The following SLC23A2 variants were observed in gnomAD, a reference collection of about 807,000 sequenced individuals.
The protein encoded by SLC23A2 is solute carrier family 23 member 2.
Under a neutral mutation model 73.3 loss-of-function variants are expected in SLC23A2, and 36 were observed. That is an observed-to-expected ratio of 0.49 (90% CI 0.38 to 0.65). The LOEUF is 0.65. Among genes scored for constraint, SLC23A2 ranks in the 30% least tolerant of loss-of-function variants. SLC23A2 has a pLI of 0.00. For synonymous variants in SLC23A2, 343 were observed against 327.3 expected (o/e 1.05, Z -0.52); for missense variants, 507 against 841.6 (o/e 0.60, Z 4.92).
chr20:4,983,402 T>C (rs1303719714), intron 1 of SLC23A2, among the ~76,000 whole-genome samples: 1 of 152,044 alleles, frequency 6.6e-6, no homozygotes, highest in Admixed American at 6.6e-5. Flanking sequence ...ATCCCAGCAC[T>C]TCGGGAGGCC....
chr20:4,975,413 C>T (rs1183727886), intron 1 of SLC23A2, among the ~76,000 whole-genome samples: 1 of 152,138 alleles, frequency 6.6e-6, no homozygotes, highest in Admixed American at 6.5e-5. Context: ...CAGAGTTTCA[C>T]TCTGTTGCCC....
intron 1 of SLC23A2, among the ~76,000 whole-genome samples, chr20:4,992,977 A>G (rs1019490987): frequency 2.6e-5 from 4 of 152,038 alleles, no homozygotes; most frequent in African/African-American, 9.7e-5. Flanking sequence ...TGCCAACAAG[A>G]CACTCAAAAG....
chr20:4,895,487 A>G (rs1931485125), intron 6 of SLC23A2, among the ~76,000 whole-genome samples: 1 of 152,252 alleles, frequency 6.6e-6, no homozygotes, highest in Non-Finnish European at 1.5e-5. Flanking sequence ...TTCATATGCA[A>G]AAACTCCCAA....
At chr20:4,882,745 G>A (rs535862416) in intron 9 of SLC23A2, among the ~76,000 whole-genome samples, 2 of 152,306 alleles carry the variant, frequency 1.3e-5, no homozygotes, top group East Asian at 3.9e-4. Context: ...ATATACAAGT[G>A]TTATATAAAG....
At chr20:4,916,084 T>A (rs530305888) in intron 3 of SLC23A2, among the ~76,000 whole-genome samples, 2 of 152,350 alleles carry the variant, frequency 1.3e-5, no homozygotes, top group South Asian at 4.1e-4. Context: ...TTCTCAAACA[T>A]GTTATAGTTT....
In SLC23A2 at chr20:4,884,817, G is replaced by A; in HGVS notation, c.578C>T (p.Ser193Leu). The change falls in exon 8 of 17, where the codon TCA (serine) becomes TTA (leucine). Residue 193 changes from serine to leucine, a missense_variant. Coordinates refer to ENST00000338244, the MANE Select transcript of SLC23A2 (RefSeq NM_005116.6). Reference sequence around the variant, plus strand: ...CAGCTCTGCTGTTCCATTGGCAACTGAAACATCTTGAAAACAAAAACAAAG... The same window carrying A: ...CAGCTCTGCTGTTCCATTGGCAACTAAAACATCTTGAAAACAAAAACAAAG... ...DKWKCNTTDV[S>L]VANGTAELLH... 1 of 1,550,334 alleles carries A rather than the reference G, an allele frequency of 6.5e-7. No homozygotes were observed.
intron 6 of SLC23A2, among the ~76,000 whole-genome samples, chr20:4,895,313 G>A (rs1000101431): frequency 2.0e-5 from 3 of 152,296 alleles, no homozygotes; most frequent in East Asian, 1.9e-4. Context: ...CTGCACGCCC[G>A]GCTGCATCTG....
At chr20:5,005,315 A>T (rs573973047), upstream of SLC23A2, among the ~76,000 whole-genome samples, 2 of 152,164 alleles carry the variant, frequency 1.3e-5, no homozygotes, top group South Asian at 4.1e-4. Context: ...TTAAAAAAAT[A>T]CATCAAATTT....
intron 3 of SLC23A2, among the ~76,000 whole-genome samples, chr20:4,930,746 G>A (rs1227185670): frequency 6.6e-6 from 1 of 152,126 alleles, no homozygotes; most frequent in Non-Finnish European, 1.5e-5. Context: ...TTGAACTTGG[G>A]AGGCAGAGGT....
chr20:4,878,446 A>G (rs1167981545), intron 9 of SLC23A2, among the ~76,000 whole-genome samples: 2 of 152,168 alleles, frequency 1.3e-5, no homozygotes, highest in African/African-American at 2.4e-5. Context: ...TTGGCCTCCT[A>G]AAGTGCTGAG....
chr20:4,884,312 TATTA>T lies in SLC23A2; in HGVS notation c.642+437_642+440del, dbSNP rs373465282. Reference sequence around the variant, plus strand: ...GAATTATCTCACACGTTTTGGAAAATATTAATACACTGTCAGCCGTACTTCATGT... The same window carrying T: ...GAATTATCTCACACGTTTTGGAAAATATACACTGTCAGCCGTACTTCATGT... On this transcript the variant is annotated intron_variant, in intron 8 of 16. Coordinates refer to ENST00000338244, the MANE Select transcript of SLC23A2 (RefSeq NM_005116.6). Among the ~76,000 whole-genome samples, 69 of 152,344 alleles carry T rather than the reference TATTA, an allele frequency of 4.5e-4. 2 individuals are homozygous for T. In the East Asian group the frequency reaches 0.013, roughly 29 times the overall value.
chr20:4,920,297 G>A (rs1932460734), intron 3 of SLC23A2, among the ~76,000 whole-genome samples: 1 of 152,130 alleles, frequency 6.6e-6, no homozygotes, highest in Non-Finnish European at 1.5e-5. Flanking sequence ...TACTAATCGG[G>A]ACAAGAGCCC....
At chr20:4,999,062 C>T (rs1272596129) in intron 1 of SLC23A2, among the ~76,000 whole-genome samples, 1 of 152,200 alleles carries the variant, frequency 6.6e-6, no homozygotes, top group Non-Finnish European at 1.5e-5. Flanking sequence ...GCCTCAGCCT[C>T]CCAAAGTGCT....
At chr20:4,982,138 G>A (rs1056818120) in intron 1 of SLC23A2, among the ~76,000 whole-genome samples, 3 of 151,800 alleles carry the variant, frequency 2.0e-5, no homozygotes, top group African/African-American at 7.3e-5. Context: ...GGGATTACAG[G>A]CGTGTATCAC....
intron 3 of SLC23A2, among the ~76,000 whole-genome samples, chr20:4,929,020 G>C (rs1301587566): frequency 6.6e-6 from 1 of 152,218 alleles, no homozygotes; most frequent in Non-Finnish European, 1.5e-5. Flanking sequence ...GGGAGGCTGA[G>C]ACAGGTGGGT....
intron 15 of SLC23A2, among the ~76,000 whole-genome samples, chr20:4,860,329 C>G (rs923844372): frequency 6.6e-6 from 1 of 152,218 alleles, no homozygotes; most frequent in African/African-American, 2.4e-5. Flanking sequence ...TAAGCTGACG[C>G]TCTGCCTTGT....
At chr20:4,924,371 C>G (rs1185286902) in intron 3 of SLC23A2, among the ~76,000 whole-genome samples, 3 of 152,146 alleles carry the variant, frequency 2.0e-5, no homozygotes, top group Non-Finnish European at 4.4e-5. Flanking sequence ...GGACTTGCCC[C>G]CACCCTCATC....
intron 1 of SLC23A2, among the ~76,000 whole-genome samples, chr20:4,971,444 G>A (rs1320015981): frequency 2.6e-5 from 4 of 151,694 alleles, no homozygotes; most frequent in South Asian, 4.2e-4. Context: ...CTGTGCAACC[G>A]CACTCCAGCT....
rs1232286944 is a variant in SLC23A2, at chr20:4,862,469, T to A, written c.1486+309A>T. On this transcript the variant is annotated intron_variant, in intron 14 of 16. Transcript: ENST00000338244. The surrounding 1 kb of genome is among the most constrained non-coding windows in gnomAD (Gnocchi z 5.1). ...GCAGAGATCAAACCCAGAGTCCCAC[T>A]GTCAAAATGGTCAGTTTTAAGTAGC... Among the ~76,000 whole-genome samples, 2 of 152,190 alleles carry A rather than the reference T, an allele frequency of 1.3e-5. No individual in the cohort carries two copies. The highest frequency in any genetic ancestry group is 2.9e-5 in the Non-Finnish European group (2 of 68,024).
Sources: allele counts gnomAD v4.1 joint callset (sites outside exome capture counted in the v4.1 genomes callset), GRCh38; gene constraint gnomAD v4.1.1; non-coding constraint Gnocchi (gnomAD v3.1); transcripts MANE v1.5; gene names NCBI Gene and HGNC (gene_info 2026-07-23, HGNC 2026-07-21).